The following FRYL variants were observed in gnomAD, a reference collection of about 807,000 sequenced individuals.
The protein encoded by FRYL is FRY like transcription coactivator.
In FRYL, 150 loss-of-function variants were observed where a neutral mutation model predicts 351.2. That is an observed-to-expected ratio of 0.43 (90% CI 0.37 to 0.49). The LOEUF is 0.49. FRYL is among the 20% of genes least tolerant of loss of function. FRYL has a pLI of 0.00. For synonymous variants in FRYL, 1,153 were observed against 1,257.1 expected (o/e 0.92, Z 1.75); for missense variants, 3,036 against 3,619.3 (o/e 0.84, Z 4.13).
At chr4:48,696,731 C>T (rs1234349838) in intron 2 of FRYL, among the ~76,000 whole-genome samples, 3 of 151,464 alleles carry the variant, frequency 2.0e-5, no homozygotes, top group Admixed American at 1.3e-4. Flanking sequence ...AAATTACTAA[C>T]TTTTAGTTTC....
chr4:48,605,203 A>G (rs1383487590), intron 11 of FRYL, among the ~76,000 whole-genome samples: 2 of 152,184 alleles, frequency 1.3e-5, no homozygotes, highest in Non-Finnish European at 2.9e-5. Context: ...AAAAATCTTC[A>G]ATGCAAAACA....
chr4:48,564,310 C>T (rs979086055), intron 30 of FRYL, among the ~76,000 whole-genome samples: 72 of 152,160 alleles, frequency 4.7e-4, no homozygotes, highest in African/African-American at 1.4e-3. Flanking sequence ...GCTTTTTACG[C>T]GAGCCTCTCT....
chr4:48,633,786 C>T (rs1753714009), intron 4 of FRYL, among the ~76,000 whole-genome samples: 1 of 152,144 alleles, frequency 6.6e-6, no homozygotes, highest in East Asian at 1.9e-4. Context: ...TGTACAATAA[C>T]TAAATAGTCT....
intron 15 of FRYL, 43 bp from the exon 16 acceptor site, chr4:48,594,059 G>A: frequency 9.8e-7 from 1 of 1,025,414 alleles, no homozygotes; most frequent in Non-Finnish European, 1.4e-6. Context: ...CTATGTGTTA[G>A]GTATCATGCT....
rs757286932 is a variant in FRYL, at chr4:48,515,279, C to A, written c.7690-4G>T. On this transcript the variant is annotated splice_region_variant and splice_polypyrimidine_tract_variant and intron_variant, in intron 55 of 63. Transcript: ENST00000358350. ...CCTTTAATACTGAAGTTGTATCCTA[C>A]AAAACAATCATAGTTTTAGTGAACT... 1.4e-5 allele frequency: 23 copies of A among 1,589,856 alleles called. No individual in the cohort carries two copies. In the East Asian group the frequency reaches 3.6e-4, roughly 25 times the overall value.
chr4:48,683,464 ACTT>A (rs1462698291), intron 3 of FRYL, among the ~76,000 whole-genome samples: 1 of 151,982 alleles, frequency 6.6e-6, no homozygotes, highest in African/African-American at 2.4e-5. Context: ...GTTCTGAATT[ACTT>A]CGTTTTTAAT....
chr4:48,581,147 G>A (rs1239368770), intron 21 of FRYL, among the ~76,000 whole-genome samples, 196 bp from the exon 22 acceptor site: 1 of 150,666 alleles, frequency 6.6e-6, no homozygotes, highest in Middle Eastern at 3.2e-3. Context: ...CTGGGTTCAC[G>A]CCATTCTCCT....
Position 48,620,686 on chromosome 4 carries a change from T to C in FRYL, c.267A>G (p.Glu89=). The C allele has an allele frequency of 6.2e-7, 1 of 1,613,982 alleles. No individual in the cohort carries two copies. The change falls in exon 6 of 64, where the codon GAA becomes GAG. Residue 89 remains glutamate, a synonymous_variant. Transcript: ENST00000358350. ...FDWYRRQNGT[E]DESYEYRPRS... Reference sequence around the variant, plus strand: ...GAGGCCTATATTCATAAGATTCATCTTCCGTTCCATTTTGGCGTCTGTACC... The same window carrying C: ...GAGGCCTATATTCATAAGATTCATCCTCCGTTCCATTTTGGCGTCTGTACC...
chr4:48,663,114 A>C (rs1761097878), intron 3 of FRYL, among the ~76,000 whole-genome samples: 1 of 152,078 alleles, frequency 6.6e-6, no homozygotes, highest in Non-Finnish European at 1.5e-5. Context: ...AAGTTAATTA[A>C]CTATTTAAAG....
chr4:48,775,494 T>C (rs1257107866), intron 1 of FRYL, among the ~76,000 whole-genome samples: 1 of 152,172 alleles, frequency 6.6e-6, no homozygotes, highest in African/African-American at 2.4e-5. Flanking sequence ...TTAGGATCCT[T>C]TGGAAACCCT....
At position 48,742,434 on chromosome 4, in the gene FRYL, C is replaced by A. The variant is rs564016909; in HGVS notation, c.-383-31736G>T. On this transcript the variant is annotated intron_variant, in intron 1 of 63. Transcript: ENST00000358350. Reference sequence around the variant, plus strand: ...TCAATCTTCATTCCTAGTTCTTACTCTCCCAACTTCATCATGTTGGATGCC... The same window carrying A: ...TCAATCTTCATTCCTAGTTCTTACTATCCCAACTTCATCATGTTGGATGCC... 2.0e-5 allele frequency among the ~76,000 whole-genome samples: 3 copies of A among 152,300 alleles called. No homozygotes were observed. In the East Asian group the frequency reaches 5.8e-4, roughly 29 times the overall value.
intron 1 of FRYL, among the ~76,000 whole-genome samples, chr4:48,739,919 GAGCTAGAACACGC>G (rs1201232084): frequency 6.6e-6 from 1 of 152,150 alleles, no homozygotes; most frequent in East Asian, 1.9e-4. Context: ...TAAGAGACCT[GAGCTAGAACACGC>G]AGCCATGTGA....
intron 22 of FRYL, among the ~76,000 whole-genome samples, chr4:48,579,915 C>T (rs1330050607): frequency 6.6e-6 from 1 of 152,020 alleles, no homozygotes; most frequent in Non-Finnish European, 1.5e-5. Context: ...ATGATGGATA[C>T]ACTAACTACC....
chr4:48,617,915 C>T (rs1749868810), intron 7 of FRYL: 1 of 152,150 alleles, frequency 6.6e-6, no homozygotes, highest in Non-Finnish European at 1.5e-5. Flanking sequence ...GGAAGAAACC[C>T]TATACTGTTT....
intron 33 of FRYL, among the ~76,000 whole-genome samples, chr4:48,558,428 T>C (rs1303858536): frequency 1.3e-5 from 2 of 152,146 alleles, no homozygotes; most frequent in Non-Finnish European, 2.9e-5. Context: ...TTACCAGAGC[T>C]TGGGGGCAGA....
At chr4:48,554,281 A>C (rs1733582080) in intron 35 of FRYL, among the ~76,000 whole-genome samples, 2 of 152,082 alleles carry the variant, frequency 1.3e-5, no homozygotes. Flanking sequence ...TATGAAAAGC[A>C]CTGCTTTATA....
chr4:48,603,424 C>A, intron 11 of FRYL, 36 bp from the exon 12 acceptor site: 1 of 1,272,738 alleles, frequency 7.9e-7, no homozygotes. Flanking sequence ...GAAAATGATA[C>A]AGATGTTAGA....
intron 1 of FRYL, among the ~76,000 whole-genome samples, chr4:48,730,336 C>G (rs879425528): frequency 2.6e-5 from 4 of 152,142 alleles, no homozygotes; most frequent in Admixed American, 1.3e-4. Flanking sequence ...AGGAGAACTT[C>G]CCCAACCTAG....
intron 7 of FRYL, chr4:48,619,026 C>T (rs192451592): frequency 8.6e-6 from 3 of 348,572 alleles, no homozygotes; most frequent in East Asian, 4.6e-5. Flanking sequence ...ACACAATTTC[C>T]ATTCAGCTCC....
Sources: allele counts gnomAD v4.1 joint callset (sites outside exome capture counted in the v4.1 genomes callset), GRCh38; gene constraint gnomAD v4.1.1; transcripts MANE v1.5; gene names NCBI Gene and HGNC (gene_info 2026-07-23, HGNC 2026-07-21).